The following LRRC4C variants were observed in gnomAD, a reference collection of about 807,000 sequenced individuals.
LRRC4C encodes leucine rich repeat containing 4C.
Under a neutral mutation model 33.6 loss-of-function variants are expected in LRRC4C, and 5 were observed. The ratio of observed to expected loss-of-function variants is 0.15; its 90% CI spans 0.08 to 0.31. The LOEUF (loss-of-function observed/expected upper bound fraction) is 0.31. Ranked by LOEUF, LRRC4C falls within the 10% of genes least tolerant of loss-of-function variation. LRRC4C has a pLI of 1.00. For missense variants in LRRC4C, 560 were observed against 796.7 expected, an observed-to-expected ratio of 0.70 and a Z score of 3.58; for synonymous variants, 329 against 302.0, an observed-to-expected ratio of 1.09 and a Z score of -0.93.
chr11:41,314,759 A>G (rs1253207980), intron 1 of LRRC4C, among the ~76,000 whole-genome samples: 1 of 152,078 alleles, frequency 6.6e-6, no homozygotes, highest in Non-Finnish European at 1.5e-5. Context: ...TATCAAAGCT[A>G]CATATTGTGC....
chr11:41,374,228 A>G (rs1385693248), intron 1 of LRRC4C, among the ~76,000 whole-genome samples: 1 of 152,166 alleles, frequency 6.6e-6, no homozygotes, highest in Non-Finnish European at 1.5e-5. Flanking sequence ...ATTTTCTACT[A>G]TCTTATCCTT....
intron 2 of LRRC4C, among the ~76,000 whole-genome samples, chr11:40,845,325 G>T (rs1489520310): frequency 6.6e-6 from 1 of 151,852 alleles, no homozygotes; most frequent in Non-Finnish European, 1.5e-5. Flanking sequence ...ATGTCGACAG[G>T]CCCCAGTGTG....
intron 2 of LRRC4C, among the ~76,000 whole-genome samples, chr11:40,681,962 G>A (rs1944709643): frequency 6.6e-6 from 1 of 152,112 alleles, no homozygotes. Context: ...TGGGAGGTGG[G>A]TGAGGGATAA....
chr11:41,186,004 G>A lies in LRRC4C; in HGVS notation c.-495-252281C>T, dbSNP rs188916790. Among the ~76,000 whole-genome samples, 21 of 152,054 alleles carry A rather than the reference G, an allele frequency of 1.4e-4. No homozygotes were observed. The East Asian group carries it at 2.3e-3, about 17-fold the overall frequency. ...GAAAAGAGTATAAAACAGATAAGCC[G>A]TACAGAGAGGTAAATATAGTAAATA... On this transcript the variant is annotated intron_variant, in intron 1 of 6. Transcript: ENST00000528697.
chr11:40,183,951 A>G (rs978378762), intron 5 of LRRC4C, among the ~76,000 whole-genome samples: 1 of 152,246 alleles, frequency 6.6e-6, no homozygotes, highest in Non-Finnish European at 1.5e-5. Context: ...GAAAAAGACA[A>G]TAATATAAAT....
chr11:40,696,504 A>G (rs1012625429), intron 2 of LRRC4C, among the ~76,000 whole-genome samples: 1 of 148,630 alleles, frequency 6.7e-6, no homozygotes, highest in Non-Finnish European at 1.5e-5. Flanking sequence ...CTCATAATGT[A>G]TTTCCCTGGA....
chr11:41,069,981 CA>C (rs1356511452), intron 1 of LRRC4C, among the ~76,000 whole-genome samples: 1 of 152,046 alleles, frequency 6.6e-6, no homozygotes, highest in Non-Finnish European at 1.5e-5. Context: ...ACAAAAAGAA[CA>C]AAACTGGAAG....
chr11:40,815,610 CT>C (rs1384079277), intron 2 of LRRC4C, among the ~76,000 whole-genome samples: 1 of 152,086 alleles, frequency 6.6e-6, no homozygotes, highest in Non-Finnish European at 1.5e-5. Context: ...TTTGTGGCTC[CT>C]TTTTTGCTGC....
At chr11:40,493,316 T>C (rs187375150) in intron 3 of LRRC4C, among the ~76,000 whole-genome samples, 6 of 152,242 alleles carry the variant, frequency 3.9e-5, no homozygotes, top group African/African-American at 1.2e-4. Flanking sequence ...TCTATACCTA[T>C]TCCAAAATAT....
chr11:40,541,315 C>G (rs1297147569), intron 3 of LRRC4C, among the ~76,000 whole-genome samples: 1 of 152,076 alleles, frequency 6.6e-6, no homozygotes, highest in Non-Finnish European at 1.5e-5. Context: ...CTTTCTTGCC[C>G]AGGCTGGTCT....
chr11:40,554,937 G>C (rs1418470484), intron 3 of LRRC4C, among the ~76,000 whole-genome samples: 1 of 143,428 alleles, frequency 7.0e-6, no homozygotes, highest in Non-Finnish European at 1.5e-5. Context: ...TAGCCAGGAT[G>C]GTCTCGATCT....
chr11:40,898,704 C>G (rs186438505), intron 2 of LRRC4C, among the ~76,000 whole-genome samples: 21 of 151,506 alleles, frequency 1.4e-4, no homozygotes, highest in Non-Finnish European at 2.4e-4. Context: ...ATAGTAGATT[C>G]AAAGCTAACA....
At position 40,364,930 on chromosome 11, in the gene LRRC4C, A is replaced by C. The variant is rs535882043; in HGVS notation, c.-269-45209T>G. On this transcript the variant is annotated intron_variant, in intron 3 of 6. Transcript: ENST00000528697. ...AAAAAATACATGTATGTAAAAAAAA[A>C]CCTGTTAACCTAGAATCCTATATTT... Among the ~76,000 whole-genome samples the C allele has an allele frequency of 1.8e-4, 27 of 152,064 alleles. No homozygotes were observed. The East Asian group carries it at 3.5e-3, about 20-fold the overall frequency.
intron 2 of LRRC4C, among the ~76,000 whole-genome samples, chr11:40,932,519 A>G (rs1957672268): frequency 6.6e-6 from 1 of 152,172 alleles, no homozygotes; most frequent in Non-Finnish European, 1.5e-5. Flanking sequence ...TTTAGTCTGC[A>G]TGGAAGGAAC....
chr11:41,404,453 G>A (rs1441008426), intron 1 of LRRC4C, among the ~76,000 whole-genome samples: 13 of 150,672 alleles, frequency 8.6e-5, no homozygotes, highest in Admixed American at 2.6e-4. Context: ...TCTGATCTCC[G>A]ACAACCCCAG....
At chr11:40,595,950 A>G (rs1049693043) in intron 3 of LRRC4C, among the ~76,000 whole-genome samples, 1 of 152,180 alleles carries the variant, frequency 6.6e-6, no homozygotes, top group African/African-American at 2.4e-5. Context: ...TTGCAGCAAC[A>G]CAGAGAAATA....
At position 40,330,182 on chromosome 11, in the gene LRRC4C, G is replaced by T. The variant is rs141226489; in HGVS notation, c.-269-10461C>A. On this transcript the variant is annotated intron_variant, in intron 3 of 6. Transcript: ENST00000528697. ...TTACTTACGTAGTAGAATTTGAGGT[G>T]GTGTGATGCTCATTTTATCTGTCAA... 2.9e-3 allele frequency among the ~76,000 whole-genome samples: 448 copies of T among 152,188 alleles called. 2 individuals carry two copies. Among genetic ancestry groups the T allele is most frequent in the Middle Eastern group, 6.8e-3 (2 of 292 alleles).
At chr11:40,351,020 T>A (rs1358639705) in intron 3 of LRRC4C, among the ~76,000 whole-genome samples, 2 of 152,040 alleles carry the variant, frequency 1.3e-5, no homozygotes, top group Admixed American at 1.3e-4. Flanking sequence ...TAGGATCATA[T>A]CATCTGCAAA....
chr11:41,004,390 C>T (rs368647484), intron 1 of LRRC4C, among the ~76,000 whole-genome samples: 1 of 152,124 alleles, frequency 6.6e-6, no homozygotes, highest in East Asian at 1.9e-4. Context: ...ACATTATCAG[C>T]ATCCATCTTT....
Sources: gnomAD v4.1 joint callset for allele counts (sites outside exome capture counted in the v4.1 genomes callset) on GRCh38, gnomAD v4.1.1 for gene constraint, MANE v1.5 for transcripts, NCBI Gene and HGNC (gene_info 2026-07-23, HGNC 2026-07-21) for gene names.